The following CRYBG2 variants were observed in gnomAD, a reference collection of about 807,000 sequenced individuals.
CRYBG2 encodes beta/gamma crystallin domain-containing protein 2.
Under a neutral mutation model 153.4 loss-of-function variants are expected in CRYBG2, and 106 were observed. The observed-to-expected ratio is 0.69, with a 90% CI of 0.59 to 0.81. The LOEUF (loss-of-function observed/expected upper bound fraction) is 0.81. Ranked by LOEUF, CRYBG2 falls within the 30% of genes least tolerant of loss-of-function variation. The pLI is 0.00. For synonymous variants in CRYBG2, 851 were observed against 877.8 expected (o/e 0.97, Z 0.54); for missense variants, 1,996 against 2,112.0 (o/e 0.95, Z 1.08).
intron 14 of CRYBG2, among the ~76,000 whole-genome samples, chr1:26,333,007 C>T (rs1252917749): frequency 8.4e-5 from 1 of 11,892 alleles, no homozygotes; most frequent in Non-Finnish European, 2.1e-4. Context: ...ATGAACACAC[C>T]AAACCCCAAA....
chr1:26,328,678 G>A, intron 16 of CRYBG2, 56 bp downstream of exon 16: 1 of 1,574,918 alleles, frequency 6.3e-7, no homozygotes, highest in Non-Finnish European at 8.6e-7. Flanking sequence ...TCTCTGTCTT[G>A]CCATGACTCA....
At chr1:26,332,793 A>C (rs1477026164) in intron 14 of CRYBG2, among the ~76,000 whole-genome samples, 1 of 151,978 alleles carries the variant, frequency 6.6e-6, no homozygotes, top group African/African-American at 2.4e-5. Flanking sequence ...GGCATGAGCC[A>C]CTGCACCTGG....
chr1:26,336,516 C>G lies in CRYBG2; in HGVS notation c.4038+90G>C. The G allele has an allele frequency of 1.3e-6, 2 of 1,544,904 alleles. No homozygotes were observed. The highest frequency in any genetic ancestry group is 1.7e-4 in the Middle Eastern group (1 of 5,934). On this transcript the variant is annotated intron_variant, in intron 12 of 19. Transcript: ENST00000308182. This position sits in a 1 kb window ranked among gnomAD's most constrained non-coding sequence, Gnocchi z 4.9. ...CGCCCCAAGCGCCCAGGCAGGTCCT[C>G]CAGCCCGCTACCTCTGCGTGGGGGC... is the stretch of plus-strand genomic sequence containing the variant.
rs755540007 is a variant in CRYBG2, at chr1:26,336,528, C to G, written c.4038+78G>C. 6.5e-7 allele frequency: 1 copy of G among 1,543,332 alleles called. No individual in the cohort carries two copies. The highest frequency in any genetic ancestry group is 2.5e-5 in the East Asian group (1 of 40,552). ...CCAGGCAGGTCCTCCAGCCCGCTAC[C>G]TCTGCGTGGGGGCGGGGCGCACCCG... On this transcript the variant is annotated intron_variant, in intron 12 of 19. Coordinates refer to ENST00000308182, the MANE Select transcript of CRYBG2 (RefSeq NM_001039775.4). This position sits in a 1 kb window ranked among gnomAD's most constrained non-coding sequence, Gnocchi z 4.9.
chr1:26,352,218 G>A (rs1015790039), intron 1 of CRYBG2, among the ~76,000 whole-genome samples: 2 of 151,884 alleles, frequency 1.3e-5, no homozygotes, highest in African/African-American at 2.4e-5. Flanking sequence ...GACAGATACC[G>A]ACACAGACCC....
intron 14 of CRYBG2, among the ~76,000 whole-genome samples, chr1:26,334,793 G>A (rs987250403): frequency 2.0e-5 from 3 of 151,804 alleles, no homozygotes; most frequent in Non-Finnish European, 4.4e-5. Flanking sequence ...CGTGGTGGCG[G>A]GTGCCTGTAA....
intron 1 of CRYBG2, among the ~76,000 whole-genome samples, chr1:26,351,312 T>C (rs1007798068): frequency 6.6e-6 from 1 of 152,208 alleles, no homozygotes; most frequent in Non-Finnish European, 1.5e-5. Flanking sequence ...TAAGCCCCTG[T>C]CCACCTGCCT....
At position 26,344,883 on chromosome 1, in the gene CRYBG2, G is replaced by A. The variant is rs2074186716; in HGVS notation, c.1775C>T (p.Ser592Leu). The A allele has an allele frequency of 6.5e-7, 1 of 1,532,750 alleles. No homozygotes were observed. The highest frequency in any genetic ancestry group is 2.5e-5 in the East Asian group (1 of 40,686). The allele number at this position is 1,532,750 out of a possible 1,614,324, so 94.9% of individuals were successfully genotyped here. A position where few individuals can be genotyped will look rare whatever the true frequency, so the allele number is the denominator to read the frequency against. ...VVKGPGAPAA[S>L]SPTQKEVVKG... Reference sequence around the variant, plus strand: ...CACAACCTCTTTCTGGGTGGGCGATGAGGCAGCAGGAGCACCAGGGCCCTT... The same window carrying A: ...CACAACCTCTTTCTGGGTGGGCGATAAGGCAGCAGGAGCACCAGGGCCCTT... Residue 592 changes from serine to leucine, a missense_variant, in exon 2 of 20, where the codon TCA becomes TTA. Coordinates refer to ENST00000308182, the MANE Select transcript of CRYBG2 (RefSeq NM_001039775.4).
Position 26,343,885 on chromosome 1 carries a change from GT to G in CRYBG2, c.2772del (p.Glu924AspfsTer52), listed in dbSNP as rs745537059. 5.1e-5 allele frequency: 77 copies of G among 1,522,736 alleles called. No homozygotes were observed. Among genetic ancestry groups the G allele is most frequent in the Non-Finnish European group, 6.8e-5 (77 of 1,132,598 alleles). The allele number at this position is 1,522,736 out of a possible 1,614,324, so 94.3% of individuals were successfully genotyped here. ...AGAGCAGATAGTTTTGTGCCCAGCGGTTCCGGGGTGGAGGCCTCCTTGGCGG... is the reference window on the plus strand; with the variant it reads ...AGAGCAGATAGTTTTGTGCCCAGCGGTCCGGGGTGGAGGCCTCCTTGGCGG... The part of the protein sequence containing the change: ...VPTAKEASTP[E>X]PLGTKLSALL... On this transcript the variant is annotated frameshift_variant, in exon 2 of 20. Coordinates refer to ENST00000308182, the MANE Select transcript of CRYBG2 (RefSeq NM_001039775.4). LOFTEE classifies it high-confidence loss of function. The surrounding 1 kb of genome is among the most constrained non-coding windows in gnomAD (Gnocchi z 4.1).
In CRYBG2 at chr1:26,346,751, G is replaced by A. The variant is rs1048635521; in HGVS notation, c.-55-39C>T. 1.6e-5 allele frequency: 21 copies of A among 1,350,784 alleles called. No homozygotes were observed. Among genetic ancestry groups the A allele is most frequent in the Non-Finnish European group, 2.0e-5 (20 of 1,011,764 alleles). 83.7% of individuals were successfully genotyped at this position (1,350,784 alleles called of 1,614,324 possible). ...AGAAAGATGAGGGTCAGAGGGTGGT[G>A]AGAGTGGCTTCCTAAAGTGCAGAAT... On this transcript the variant is annotated intron_variant, in intron 1 of 19. Transcript: ENST00000308182. The surrounding 1 kb of genome is among the most constrained non-coding windows in gnomAD (Gnocchi z 4.9).
intron 14 of CRYBG2, among the ~76,000 whole-genome samples, chr1:26,331,967 G>A (rs2074001534): frequency 6.6e-6 from 1 of 152,128 alleles, no homozygotes; most frequent in African/African-American, 2.4e-5. Flanking sequence ...AGAAAAGGGG[G>A]GAAGCAGCCC....
Position 26,328,747 on chromosome 1 carries a change from T to A in CRYBG2, c.4441A>T (p.Ile1481Phe), listed in dbSNP as rs761074907. The change falls in exon 16 of 20, where the codon ATC (isoleucine) becomes TTC (phenylalanine). Residue 1481 changes from isoleucine (I) to phenylalanine (F), a missense_variant. By Grantham distance (21) the Ile-to-Phe change is conservative. Transcript: ENST00000308182. ...GFNNHVLSVR[I>F]KGGIWVLCEH... ...CTCAGCACTCACATGCCCCCCTTGA[T>A]CCGCACAGACAGCACATGGTTGTTG... The A allele has an allele frequency of 2.5e-6, 4 of 1,613,502 alleles. No individual in the cohort carries two copies. In the African/African-American group the frequency reaches 4.0e-5, roughly 16 times the overall value.
rs762030000 is a variant in CRYBG2 at position 26,345,934 on chromosome 1, C to T, written c.724G>A (p.Val242Met). The change falls in exon 2 of 20, where the codon GTG becomes ATG. Residue 242 changes from valine to methionine, a missense_variant. Physicochemically the swap from Val to Met is conservative, Grantham distance 21. Coordinates refer to ENST00000308182, the MANE Select transcript of CRYBG2 (RefSeq NM_001039775.4). ...SQAVKVLSNL[V>M]PAGHSPPASH... ...GCAGGGGGGCTGTGCCCAGCAGGCA[C>T]GAGGTTACTTAGCACTTTCACGGCC... 53 of 1,596,152 alleles carry T rather than the reference C, an allele frequency of 3.3e-5. No individual in the cohort carries two copies. Among genetic ancestry groups the T allele is most frequent in the Non-Finnish European group, 4.4e-5 (52 of 1,178,474 alleles).
In CRYBG2 at chr1:26,321,883, A is replaced by T. The variant is rs886764142; in HGVS notation, c.*85T>A. The T allele has an allele frequency of 8.1e-7, 1 of 1,236,436 alleles. No individual in the cohort carries two copies. Among genetic ancestry groups the T allele is most frequent in the Non-Finnish European group, 1.1e-6 (1 of 907,798 alleles). The allele number at this position is 1,236,436 out of a possible 1,614,324, so 76.6% of individuals were successfully genotyped here. A position where few individuals can be genotyped will look rare whatever the true frequency, so the allele number is the denominator to read the frequency against. On this transcript the variant is annotated 3_prime_UTR_variant, in exon 20 of 20. Coordinates refer to ENST00000308182, the MANE Select transcript of CRYBG2 (RefSeq NM_001039775.4). Reference sequence around the variant, plus strand: ...ACAAGGGTACCTGGCAGCATATTAGAAAATAGCTTATGTTACAACAAAAAC... The same window carrying T: ...ACAAGGGTACCTGGCAGCATATTAGTAAATAGCTTATGTTACAACAAAAAC...
At chr1:26,341,905 C>T (rs12404062) in intron 5 of CRYBG2, among the ~76,000 whole-genome samples, 28,365 of 152,100 alleles carry the variant, frequency 0.19, 2,790 homozygotes, top group South Asian at 0.23. Context: ...CTCTTTTTTC[C>T]ACCTGGCAGC....
Position 26,344,384 on chromosome 1 carries a change from C to T in CRYBG2, c.2274G>A (p.Val758=). 1.3e-6 allele frequency: 2 copies of T among 1,515,852 alleles called. No homozygotes were observed. Among genetic ancestry groups the T allele is most frequent in the Non-Finnish European group, 8.9e-7 (1 of 1,128,820 alleles). The allele number at this position is 1,515,852 out of a possible 1,614,324, so 93.9% of individuals were successfully genotyped here. A position where few individuals can be genotyped will look rare whatever the true frequency, so the allele number is the denominator to read the frequency against. ...CTETSREEDE[V]ALAADLEIFL... ...ATATCTCCAGGTCAGCGGCCAGGGC[C>T]ACCTCATCCTCCTCCCTTGATGTCT... Residue 758 remains valine, a synonymous_variant, in exon 2 of 20, where the codon GTG becomes GTA. Coordinates refer to ENST00000308182, the MANE Select transcript of CRYBG2 (RefSeq NM_001039775.4).
chr1:26,348,430 G>A (rs1203969753), intron 1 of CRYBG2, among the ~76,000 whole-genome samples: 1 of 152,180 alleles, frequency 6.6e-6, no homozygotes. Flanking sequence ...GCATGGTGGT[G>A]TGTGCCTGTA....
intron 1 of CRYBG2, among the ~76,000 whole-genome samples, chr1:26,350,699 C>T (rs543242301): frequency 5.1e-4 from 78 of 152,232 alleles, no homozygotes; most frequent in African/African-American, 1.7e-3. Context: ...TCCTGGAGGG[C>T]GTCTCCACCC....
In CRYBG2 at chr1:26,346,008, A is replaced by T; in HGVS notation, c.650T>A (p.Val217Glu). The change falls in exon 2 of 20, where the codon GTG (valine) becomes GAG (glutamate). Residue 217 changes from valine to glutamate, a missense_variant. Physicochemically the swap from Val to Glu is moderately radical, Grantham distance 121. Transcript: ENST00000308182. This position sits in a 1 kb window ranked among gnomAD's most constrained non-coding sequence, Gnocchi z 4.9. ...TGGGGAGCCCACCACCACTGGCGGC[A>T]CCATGCGGGAGACCTGACGGCCCCG... The part of the protein sequence containing the change: ...LPRGRQVSRM[V>E]PPVVVGSPPG... 2 of 1,593,864 alleles carry T rather than the reference A, an allele frequency of 1.3e-6. No individual in the cohort carries two copies. Among genetic ancestry groups the T allele is most frequent in the African/African-American group, 2.7e-5 (2 of 74,968 alleles).
Sources: allele counts gnomAD v4.1 joint callset (sites outside exome capture counted in the v4.1 genomes callset), GRCh38; gene constraint gnomAD v4.1.1; non-coding constraint Gnocchi (gnomAD v3.1); transcripts MANE v1.5; gene names NCBI Gene and HGNC (gene_info 2026-07-23, HGNC 2026-07-21).